The following FHIT variants were observed in gnomAD, a reference collection of about 807,000 sequenced individuals.
The protein encoded by FHIT is bis(5'-adenosyl)-triphosphatase.
FHIT carries 19 observed loss-of-function variants against 17.9 expected under a neutral mutation model. The observed-to-expected ratio is 1.06, with a 90% CI of 0.74 to 1.56. FHIT has a LOEUF of 1.56. FHIT is among the 40% of genes most tolerant of loss of function. The pLI is 0.00. For synonymous variants in FHIT, 81 were observed against 69.7 expected (o/e 1.16, Z -0.81); for missense variants, 248 against 189.2 (o/e 1.31, Z -1.82).
intron 5 of FHIT, among the ~76,000 whole-genome samples, chr3:60,154,364 G>T (rs1018814200): frequency 2.6e-5 from 4 of 152,168 alleles, no homozygotes; most frequent in South Asian, 2.1e-4. Flanking sequence ...GGTAGGGATG[G>T]CATCAGGCAT....
At chr3:60,859,615 T>C (rs1703538220) in intron 3 of FHIT, among the ~76,000 whole-genome samples, 1 of 151,708 alleles carries the variant, frequency 6.6e-6, no homozygotes, top group Non-Finnish European at 1.5e-5. Flanking sequence ...CCCTGAAGGC[T>C]ACTTGTTAAA....
intron 5 of FHIT, among the ~76,000 whole-genome samples, chr3:60,278,288 T>A (rs888080666): frequency 3.3e-5 from 5 of 152,176 alleles, no homozygotes; most frequent in Non-Finnish European, 1.5e-5. Flanking sequence ...TTTCCCAGAT[T>A]GTTCTCTGTA....
At chr3:61,180,562 T>C (rs2107168259) in intron 2 of FHIT, among the ~76,000 whole-genome samples, 1 of 152,334 alleles carries the variant, frequency 6.6e-6, no homozygotes, top group East Asian at 1.9e-4. Context: ...TTCTCCAGTT[T>C]TGTGTTTAGG....
chr3:60,217,799 G>T (rs1436349155), intron 5 of FHIT, among the ~76,000 whole-genome samples: 2 of 152,076 alleles, frequency 1.3e-5, no homozygotes, highest in African/African-American at 4.8e-5. Flanking sequence ...TCCTGCCCAT[G>T]GTTCAGATCT....
intron 3 of FHIT, among the ~76,000 whole-genome samples, chr3:61,032,275 T>C (rs907346470): frequency 1.3e-5 from 2 of 152,202 alleles, no homozygotes; most frequent in Non-Finnish European, 2.9e-5. Context: ...TGGCTCCCTC[T>C]TGGAGCCAGG....
At chr3:60,456,123 T>A (rs750611813) in intron 5 of FHIT, among the ~76,000 whole-genome samples, 2 of 152,178 alleles carry the variant, frequency 1.3e-5, no homozygotes, top group Non-Finnish European at 2.9e-5. Flanking sequence ...CCACATCTGA[T>A]CACATGCCCC....
At chr3:61,197,189 C>T (rs960731530) in intron 2 of FHIT, among the ~76,000 whole-genome samples, 2 of 152,150 alleles carry the variant, frequency 1.3e-5, no homozygotes, top group South Asian at 4.1e-4. Context: ...TGATGTTATG[C>T]ATTTGTTAAA....
At chr3:59,929,363 G>GTTT (rs869243844) in intron 7 of FHIT, among the ~76,000 whole-genome samples, 1,737 of 67,146 alleles carry the variant, frequency 0.026, 105 homozygotes, top group African/African-American at 0.058. Context: ...TGTTTTTTTG[G>GTTT]TTTTTTTTTT....
intron 5 of FHIT, among the ~76,000 whole-genome samples, chr3:60,330,593 T>C (rs1301416049): frequency 1.3e-5 from 2 of 152,322 alleles, no homozygotes; most frequent in East Asian, 3.9e-4. Flanking sequence ...TCTGGAACCA[T>C]ATATATCAAA....
At chr3:61,163,378 G>T (rs12486280) in intron 2 of FHIT, among the ~76,000 whole-genome samples, 21,308 of 152,184 alleles carry the variant, frequency 0.14, 1,611 homozygotes, top group South Asian at 0.22. Context: ...ACCATATCCG[G>T]TTTTACATAC....
At chr3:59,942,275 G>A (rs1706560435) in intron 7 of FHIT, among the ~76,000 whole-genome samples, 1 of 152,112 alleles carries the variant, frequency 6.6e-6, no homozygotes, top group South Asian at 2.1e-4. Context: ...ATTATTTGAT[G>A]CTTATGCAAA....
chr3:60,396,029 C>T (rs1701426449), intron 5 of FHIT, among the ~76,000 whole-genome samples: 1 of 152,196 alleles, frequency 6.6e-6, no homozygotes, highest in Middle Eastern at 3.4e-3. Context: ...AGCTAACACA[C>T]CAAGCCTTCT....
chr3:60,130,964 T>C (rs1488423379), intron 5 of FHIT, among the ~76,000 whole-genome samples: 1 of 147,986 alleles, frequency 6.8e-6, no homozygotes, highest in Non-Finnish European at 1.5e-5. Flanking sequence ...AATAAACCAG[T>C]AGAAAGGTAT....
rs1702903538 is a variant in FHIT, at chr3:60,201,488, T to C, written c.104-187336A>G. On this transcript the variant is annotated intron_variant, in intron 5 of 9. Transcript: ENST00000492590. Reference sequence around the variant, plus strand: ...GGGCCATTCAGAGGAAGAGAGATGCTACACTGGGTAGATAATCAGAAGAAA... The same window carrying C: ...GGGCCATTCAGAGGAAGAGAGATGCCACACTGGGTAGATAATCAGAAGAAA... Among the ~76,000 whole-genome samples the C allele has an allele frequency of 1.3e-5, 2 of 152,090 alleles. 1 individual carries two copies.
chr3:59,785,503 G>GT (rs1453900478), intron 8 of FHIT, among the ~76,000 whole-genome samples: 1 of 151,254 alleles, frequency 6.6e-6, no homozygotes, highest in African/African-American at 2.4e-5. Context: ...TAGACGTGGG[G>GT]TTTTACCATG....
Position 59,986,612 on chromosome 3 carries a change from T to C in FHIT, c.279+24759A>G, listed in dbSNP as rs1422593071. 7.6e-4 allele frequency among the ~76,000 whole-genome samples: 52 copies of C among 68,594 alleles called. 7 individuals are homozygous for C. The highest frequency in any genetic ancestry group is 3.5e-3 in the African/African-American group (51 of 14,388). 45.0% of individuals were successfully genotyped at this position (68,594 alleles called of 152,430 possible). A position where few individuals can be genotyped will look rare whatever the true frequency, so the allele number is the denominator to read the frequency against. On this transcript the variant is annotated intron_variant, in intron 7 of 9. Coordinates refer to ENST00000492590, the MANE Select transcript of FHIT (RefSeq NM_002012.4). ...ACACACACACATATATATGTGTACA[T>C]ATATGTCTAGGATTTACTATAGAAA...
chr3:61,144,401 T>C (rs1054705325), intron 2 of FHIT, among the ~76,000 whole-genome samples: 3 of 152,234 alleles, frequency 2.0e-5, no homozygotes, highest in African/African-American at 7.2e-5. Flanking sequence ...CCAAGTAACA[T>C]TCCATTATAG....
intron 4 of FHIT, among the ~76,000 whole-genome samples, chr3:60,724,660 G>GTTT (rs543830464): frequency 5.8e-5 from 5 of 85,536 alleles, no homozygotes; most frequent in South Asian, 3.5e-4. Flanking sequence ...TTTTTTTTTT[G>GTTT]TTTTTTTTTT....
At chr3:60,819,862 T>C (rs1004140348) in intron 4 of FHIT, among the ~76,000 whole-genome samples, 4 of 152,190 alleles carry the variant, frequency 2.6e-5, no homozygotes, top group African/African-American at 9.7e-5. Flanking sequence ...ACATACTCTT[T>C]ACTATTAGGA....
Sources: allele counts gnomAD v4.1 joint callset (sites outside exome capture counted in the v4.1 genomes callset), GRCh38; gene constraint gnomAD v4.1.1; transcripts MANE v1.5; gene names NCBI Gene and HGNC (gene_info 2026-07-23, HGNC 2026-07-21).